AANAT: variants seen among roughly 807,000 people sequenced by gnomAD.
AANAT encodes serotonin N-acetyltransferase.
AANAT carries 11 observed loss-of-function variants against 15.6 expected under a neutral mutation model. That is an observed-to-expected ratio of 0.71 (90% CI 0.44 to 1.17). AANAT has a LOEUF of 1.17. Ranked by LOEUF, AANAT falls within the 50% of genes most tolerant of loss-of-function variation. The pLI is 0.00. For missense variants in AANAT, 286 were observed against 296.3 expected, an observed-to-expected ratio of 0.97 and a Z score of 0.26; for synonymous variants, 139 against 131.5, an observed-to-expected ratio of 1.06 and a Z score of -0.39.
chr17:76,468,727 A>G lies in AANAT; in HGVS notation c.-20A>G, dbSNP rs1291452997. 5.6e-6 allele frequency: 9 copies of G among 1,605,130 alleles called. No individual in the cohort carries two copies. The highest frequency in any genetic ancestry group is 1.7e-5 in the Admixed American group (1 of 58,860). ...ACACTTCCAAAGCTGGGGCGCCCCA[A>G]GGAGGCACCAGTGGCCAGAATGTCC... On this transcript the variant is annotated 5_prime_UTR_variant, in exon 2 of 4. Transcript: ENST00000392492.
intron 1 of AANAT, among the ~76,000 whole-genome samples, chr17:76,457,082 G>A (rs1298376356): frequency 6.6e-6 from 1 of 152,080 alleles, no homozygotes; most frequent in Non-Finnish European, 1.5e-5. Context: ...TCACTCTGTC[G>A]CCCATGCTGG....
chr17:76,454,797 T>C, intron 1 of AANAT, among the ~76,000 whole-genome samples: 1 of 151,090 alleles, frequency 6.6e-6, no homozygotes, highest in African/African-American at 2.4e-5. Flanking sequence ...CACTCCAGCC[T>C]TGGCAACAGA....
intron 1 of AANAT, among the ~76,000 whole-genome samples, chr17:76,456,345 A>G (rs2073343323): frequency 6.6e-6 from 1 of 152,104 alleles, no homozygotes; most frequent in Admixed American, 6.6e-5. Context: ...AAAAAAAAAA[A>G]AAAAAAGAAC....
chr17:76,464,359 G>T (rs1159903815), upstream of AANAT, among the ~76,000 whole-genome samples: 2 of 141,452 alleles, frequency 1.4e-5, no homozygotes, highest in African/African-American at 2.7e-5. Context: ...AAAAAAAAAA[G>T]AATATTCTGG....
At chr17:76,467,039 AG>A (rs1244753408), upstream of AANAT, among the ~76,000 whole-genome samples, 2 of 152,028 alleles carry the variant, frequency 1.3e-5, no homozygotes, top group Non-Finnish European at 1.5e-5. Flanking sequence ...GCTGGAGGGC[AG>A]GGGGTAGTCA....
In AANAT at chr17:76,469,317, G is replaced by A. The variant is rs1194747811; in HGVS notation, c.308G>A (p.Arg103Lys). ...FIIGSLWDKE[R>K]LMQESLTLHR... Reference sequence around the variant, plus strand: ...ATCGGCTCGCTCTGGGACAAGGAGAGACTCATGCAGGTGAGGACAGGGCTG... The same window carrying A: ...ATCGGCTCGCTCTGGGACAAGGAGAAACTCATGCAGGTGAGGACAGGGCTG... Residue 103 changes from arginine (R) to lysine (K), a missense_variant, in exon 3 of 4, where the codon AGA becomes AAA. Arg to Lys is a conservative substitution (Grantham distance 26). Transcript: ENST00000392492. This position sits in a 1 kb window ranked among gnomAD's most constrained non-coding sequence, Gnocchi z 5.2. The A allele has an allele frequency of 6.2e-7, 1 of 1,613,994 alleles. No homozygotes were observed.
chr17:76,460,685 T>C (rs530543051), intron 2 of AANAT, among the ~76,000 whole-genome samples: 1 of 152,274 alleles, frequency 6.6e-6, no homozygotes, highest in Admixed American at 6.5e-5. Context: ...GCAGTTTGGC[T>C]CCATTACTTG....
At chr17:76,453,449 G>A (rs982576022) in exon 1 of AANAT, 4 of 250,416 alleles carry the variant, frequency 1.6e-5, no homozygotes, top group African/African-American at 4.5e-5. Context: ...GGCCACCGAG[G>A]AAGAGGGGAG....
chr17:76,467,080 G>T (rs577232842), upstream of AANAT, among the ~76,000 whole-genome samples: 20 of 152,230 alleles, frequency 1.3e-4, no homozygotes, highest in African/African-American at 4.6e-4. Context: ...CCTGCATCCC[G>T]AGGGAATGCC....
intron 1 of AANAT, among the ~76,000 whole-genome samples, chr17:76,458,108 G>T (rs1192301592): frequency 2.0e-5 from 3 of 152,206 alleles, no homozygotes; most frequent in African/African-American, 7.2e-5. Context: ...CATTCTGTCA[G>T]TTTCCTATCC....
At chr17:76,453,634 T>C (rs2143953043) in exon 1 of AANAT, 1 of 153,118 alleles carries the variant, frequency 6.5e-6, no homozygotes, top group South Asian at 2.1e-4. Context: ...ACACATTAAA[T>C]AGATAACAAA....
intron 1 of AANAT, among the ~76,000 whole-genome samples, chr17:76,458,465 G>A (rs1035009387): frequency 5.3e-5 from 8 of 152,184 alleles, no homozygotes; most frequent in Non-Finnish European, 1.2e-4. Flanking sequence ...ATTCCCTAAT[G>A]AAGAAACCCT....
At chr17:76,466,355 G>A (rs1162104851), upstream of AANAT, 10 of 485,588 alleles carry the variant, frequency 2.1e-5, no homozygotes, top group African/African-American at 8.2e-5. Flanking sequence ...GCCTCAGAGT[G>A]CAGAGGGGCC....
chr17:76,468,616 G>A, intron 1 of AANAT, 56 bp from the exon 2 acceptor site: 2 of 1,457,620 alleles, frequency 1.4e-6, no homozygotes, highest in East Asian at 2.5e-5. Flanking sequence ...CATACTCTGG[G>A]GCCTGCCTCC....
chr17:76,469,422 T>C lies in AANAT; in HGVS notation c.318+95T>C. 1 of 1,532,864 alleles carries C rather than the reference T, an allele frequency of 6.5e-7. No individual in the cohort carries two copies. The highest frequency in any genetic ancestry group is 8.9e-7 in the Non-Finnish European group (1 of 1,129,372). 95.0% of individuals were successfully genotyped at this position (1,532,864 alleles called of 1,614,324 possible). A position where few individuals can be genotyped will look rare whatever the true frequency, so the allele number is the denominator to read the frequency against. Reference sequence around the variant, plus strand: ...AGGGGAGCCCAGGGGCTGGGATTTCTTCCTCCAGAACTGGAGAGATGAGTA... The same window carrying C: ...AGGGGAGCCCAGGGGCTGGGATTTCCTCCTCCAGAACTGGAGAGATGAGTA... On this transcript the variant is annotated intron_variant, in intron 3 of 3. Coordinates refer to ENST00000392492, the MANE Select transcript of AANAT (RefSeq NM_001088.3). This position sits in a 1 kb window ranked among gnomAD's most constrained non-coding sequence, Gnocchi z 5.2.
intron 2 of AANAT, among the ~76,000 whole-genome samples, chr17:76,460,405 G>C (rs562396302): frequency 1.3e-5 from 2 of 151,882 alleles, no homozygotes; most frequent in Non-Finnish European, 2.9e-5. Context: ...ACCTGCCTCG[G>C]CCTCCCAAAG....
chr17:76,458,871 G>A (rs1031320531), intron 1 of AANAT, among the ~76,000 whole-genome samples: 2 of 152,200 alleles, frequency 1.3e-5, no homozygotes, highest in Non-Finnish European at 2.9e-5. Flanking sequence ...ACTTCAGCTG[G>A]GGGGTGGGGT....
upstream of AANAT, among the ~76,000 whole-genome samples, chr17:76,463,162 T>C (rs2073405709): frequency 6.6e-6 from 1 of 152,082 alleles, no homozygotes; most frequent in Non-Finnish European, 1.5e-5. Context: ...GTGGGGGCCG[T>C]GGGGAGGTTT....
intron 1 of AANAT, among the ~76,000 whole-genome samples, chr17:76,459,062 T>A (rs35197942): frequency 0.052 from 7,880 of 152,250 alleles, 388 homozygotes; most frequent in African/African-American, 0.13. Flanking sequence ...TTGCCCAAGG[T>A]CACTCTGCAG....
Sources: allele counts gnomAD v4.1 joint callset (sites outside exome capture counted in the v4.1 genomes callset), GRCh38; gene constraint gnomAD v4.1.1; non-coding constraint Gnocchi (gnomAD v3.1); transcripts MANE v1.5; gene names NCBI Gene and HGNC (gene_info 2026-07-23, HGNC 2026-07-21).